Variants in PLB1 observed in about 807,000 individuals in gnomAD.
PLB1 encodes phospholipase B1, membrane-associated.
In PLB1, 242 loss-of-function variants were observed where a neutral mutation model predicts 227.4. The observed-to-expected ratio is 1.06, with a 90% CI of 0.96 to 1.18. The LOEUF (loss-of-function observed/expected upper bound fraction) is 1.18, where lower values mean the gene tolerates loss of function less well. PLB1 is among the 50% of genes most tolerant of loss of function. The pLI is 0.00. For synonymous variants in PLB1, 757 were observed against 682.2 expected, an observed-to-expected ratio of 1.11 and a Z score of -1.71; for missense variants, 1,858 against 1,816.3, an observed-to-expected ratio of 1.02 and a Z score of -0.42.
chr2:28,615,130 C>G (rs1420706779), intron 44 of PLB1, among the ~76,000 whole-genome samples: 1 of 152,100 alleles, frequency 6.6e-6, no homozygotes. Context: ...GAGCCAGGAA[C>G]ACAGTCCCAG....
Position 28,629,184 on chromosome 2 carries a change from C to T in PLB1, c.3817C>T (p.Gln1273Ter), listed in dbSNP as rs753305059. ...QGGKCAMLAA[Q>*]NNCTCLRHSQ... ...CGGGAAATGTGCCATGCTGGCAGCT[C>T]AGTAAGTGGACAGGTCACCGTCCCA... Residue 1273 changes from glutamine (Q) to a stop codon, truncating the protein, a stop_gained and splice_region_variant, in exon 53 of 58, where the codon CAG becomes TAG. Transcript: ENST00000327757. LOFTEE classifies it high-confidence loss of function. The T allele has an allele frequency of 1.9e-6, 3 of 1,613,214 alleles. No individual in the cohort carries two copies. The highest frequency in any genetic ancestry group is 1.1e-5 in the South Asian group (1 of 90,936).
Position 28,548,929 on chromosome 2 carries a change from C to A in PLB1, c.1006C>A (p.Gln336Lys). ...KHGRPMKCPS[Q>K]ESPYLFSYRN... ...CGGGAGGCCAATGAAGTGTCCCTCT[C>A]AGGTAGGAGGGACTGGGCAGAGGAG... The change falls in exon 15 of 58, where the codon CAG becomes AAG. Residue 336 changes from glutamine to lysine, a missense_variant and splice_region_variant. Gln to Lys is a moderately conservative substitution (Grantham distance 53). Coordinates refer to ENST00000327757, the MANE Select transcript of PLB1 (RefSeq NM_153021.5). 1 of 1,613,486 alleles carries A rather than the reference C, an allele frequency of 6.2e-7. No homozygotes were observed. The highest frequency in any genetic ancestry group is 8.5e-7 in the Non-Finnish European group (1 of 1,179,442).
At chr2:28,552,465 C>A (rs1674405255) in intron 16 of PLB1, among the ~76,000 whole-genome samples, 2 of 152,242 alleles carry the variant, frequency 1.3e-5, no homozygotes. Context: ...CTAACAAATA[C>A]TTGTTGAGCA....
At position 28,584,073 on chromosome 2, in the gene PLB1, T is replaced by C. The variant is rs149860196; in HGVS notation, c.1733+1568T>C. 1.1e-3 allele frequency among the ~76,000 whole-genome samples: 161 copies of C among 152,252 alleles called. 1 individual carries two copies. The highest frequency in any genetic ancestry group is 3.7e-3 in the African/African-American group (155 of 41,540). ...CTACCCTGCCCCCCAGCTCTGTTACTCGGTACAGGTCCCCACCCCAGCCCT... is the reference window on the plus strand; with the variant it reads ...CTACCCTGCCCCCCAGCTCTGTTACCCGGTACAGGTCCCCACCCCAGCCCT... On this transcript the variant is annotated intron_variant, in intron 25 of 57. Transcript: ENST00000327757.
chr2:28,611,152 G>A (rs1488108206), intron 43 of PLB1, among the ~76,000 whole-genome samples: 5 of 152,156 alleles, frequency 3.3e-5, no homozygotes, highest in Non-Finnish European at 5.9e-5. Context: ...CCGGCTGCCT[G>A]TCTGCCACAA....
intron 41 of PLB1, among the ~76,000 whole-genome samples, chr2:28,605,110 G>A (rs926614210): frequency 1.3e-5 from 2 of 152,208 alleles, no homozygotes; most frequent in East Asian, 3.8e-4. Context: ...TAAGGGACAG[G>A]GAGGCCAACA....
rs1198421950 is a variant in PLB1 at position 28,589,663 on chromosome 2, C to T, written c.1921-12C>T. 2.5e-6 allele frequency: 4 copies of T among 1,613,416 alleles called. No homozygotes were observed. The highest frequency in any genetic ancestry group is 1.3e-5 in the African/African-American group (1 of 74,878). ...GTCTATAACTGCCTCTCTTTTTCTG[C>T]CCGGTGACCAGGAAGGATTGCCTGA... On this transcript the variant is annotated splice_polypyrimidine_tract_variant and intron_variant, in intron 27 of 57. Coordinates refer to ENST00000327757, the MANE Select transcript of PLB1 (RefSeq NM_153021.5).
At chr2:28,641,284 T>C (rs1689945101) in intron 57 of PLB1, among the ~76,000 whole-genome samples, 1 of 152,078 alleles carries the variant, frequency 6.6e-6, no homozygotes, top group Non-Finnish European at 1.5e-5. Flanking sequence ...ACCCATTCCT[T>C]CCGAAAGCTC....
intron 47 of PLB1, 45 bp from the exon 48 acceptor site, chr2:28,620,555 C>T: frequency 6.3e-7 from 1 of 1,575,070 alleles, no homozygotes; most frequent in South Asian, 1.2e-5. Context: ...ACACAGGGAG[C>T]AGCATGTTGG....
chr2:28,526,727 G>A (rs1306317307), intron 6 of PLB1, among the ~76,000 whole-genome samples: 2 of 152,190 alleles, frequency 1.3e-5, no homozygotes, highest in African/African-American at 4.8e-5. Context: ...CAAGTGCTCT[G>A]CTGAGCTGGT....
chr2:28,545,325 A>C (rs1421395192), intron 14 of PLB1, among the ~76,000 whole-genome samples: 2 of 152,148 alleles, frequency 1.3e-5, no homozygotes, highest in African/African-American at 4.8e-5. Context: ...ACAGGATAGG[A>C]GGGGGTTCCC....
chr2:28,502,985 A>G (rs1233857697), intron 1 of PLB1, among the ~76,000 whole-genome samples: 1 of 151,994 alleles, frequency 6.6e-6, no homozygotes, highest in Non-Finnish European at 1.5e-5. Flanking sequence ...GTCCATTTCG[A>G]GTAAATTTGC....
At chr2:28,612,769 A>ATTTTTTTTTTTTT (rs10557060) in intron 43 of PLB1, among the ~76,000 whole-genome samples, 58 of 124,912 alleles carry the variant, frequency 4.6e-4, no homozygotes, top group African/African-American at 1.6e-3. Flanking sequence ...CCACACCTGG[A>ATTTTTTTTTTTTT]TTTTTTTTTT....
intron 9 of PLB1, among the ~76,000 whole-genome samples, chr2:28,536,421 GA>G (rs1473418361): frequency 6.7e-6 from 1 of 150,068 alleles, no homozygotes. Flanking sequence ...AAGAAAAAAT[GA>G]AAAAAAGAGC....
At chr2:28,531,130 A>G (rs1255621063) in intron 8 of PLB1, among the ~76,000 whole-genome samples, 1 of 152,240 alleles carries the variant, frequency 6.6e-6, no homozygotes, top group Non-Finnish European at 1.5e-5. Context: ...AACCGAAAAA[A>G]TCAGAAAACA....
intron 51 of PLB1, among the ~76,000 whole-genome samples, chr2:28,626,716 A>T (rs1223744146): frequency 6.6e-6 from 1 of 152,184 alleles, no homozygotes; most frequent in Admixed American, 6.5e-5. Context: ...GAGCAGGTGC[A>T]TTGGTTCCCC....
At chr2:28,640,273 C>T (rs914025663) in intron 56 of PLB1, among the ~76,000 whole-genome samples, 4 of 152,158 alleles carry the variant, frequency 2.6e-5, no homozygotes, top group African/African-American at 7.2e-5. Flanking sequence ...TGGCTGCTGG[C>T]TAAAAGGTGC....
chr2:28,600,926 G>C, intron 36 of PLB1, 66 bp downstream of exon 36: 4 of 1,417,316 alleles, frequency 2.8e-6, no homozygotes, highest in Non-Finnish European at 3.9e-6. Flanking sequence ...TCTCCAAACG[G>C]AGTGGCCTGC....
At chr2:28,578,012 C>A in intron 21 of PLB1, 95 bp from the exon 22 acceptor site, 1 of 1,260,288 alleles carries the variant, frequency 7.9e-7, no homozygotes, top group Non-Finnish European at 1.2e-6. Context: ...CCACCCTGGG[C>A]CTTCCTCCAC....
Sources: allele counts gnomAD v4.1 joint callset (sites outside exome capture counted in the v4.1 genomes callset), GRCh38; gene constraint gnomAD v4.1.1; transcripts MANE v1.5; gene names NCBI Gene and HGNC (gene_info 2026-07-23, HGNC 2026-07-21).